Variants in ZFPM2 observed in about 807,000 individuals in gnomAD.
ZFPM2 encodes zinc finger protein, FOG family member 2.
ZFPM2 carries 20 observed loss-of-function variants against 98.6 expected under a neutral mutation model. The ratio of observed to expected loss-of-function variants is 0.20; its 90% CI spans 0.14 to 0.29. The LOEUF (loss-of-function observed/expected upper bound fraction) is 0.29. Ranked by LOEUF, ZFPM2 falls within the 10% of genes least tolerant of loss-of-function variation. ZFPM2 has a pLI of 1.00. For synonymous variants in ZFPM2, 518 were observed against 502.7 expected (o/e 1.03, Z -0.41); for missense variants, 1,310 against 1,388.6 (o/e 0.94, Z 0.90).
Position 105,611,447 on chromosome 8 carries a change from G to A in ZFPM2, c.421-22799G>A, listed in dbSNP as rs1283346492. On this transcript the variant is annotated intron_variant, in intron 4 of 7. Coordinates refer to ENST00000407775, the MANE Select transcript of ZFPM2 (RefSeq NM_012082.4). Reference sequence around the variant, plus strand: ...TGTTTGTTGGCTTTATGGTGAAAAAGAGAAAAATGGTCATTTTGGCACATG... The same window carrying A: ...TGTTTGTTGGCTTTATGGTGAAAAAAAGAAAAATGGTCATTTTGGCACATG... 3.3e-5 allele frequency among the ~76,000 whole-genome samples: 5 copies of A among 152,196 alleles called. No homozygotes were observed. In the South Asian group the frequency reaches 1.0e-3, roughly 32 times the overall value.
rs1421330590 is a variant in ZFPM2, at chr8:105,788,739, C to T, written c.554C>T (p.Thr185Ile). 1.2e-6 allele frequency: 2 copies of T among 1,613,978 alleles called. No individual in the cohort carries two copies. Among genetic ancestry groups the T allele is most frequent in the Admixed American group, 1.7e-5 (1 of 60,022 alleles). Residue 185 changes from threonine (T) to isoleucine (I), a missense_variant, in exon 6 of 8, where the codon ACT becomes ATT. By Grantham distance (89) the Thr-to-Ile change is moderately conservative. Transcript: ENST00000407775. Reference sequence around the variant, plus strand: ...ATAGGGGGTCAGCTTTGGTGTACAACTACGAAGGCCATCTCTGAGGGTGAA... The same window carrying T: ...ATAGGGGGTCAGCTTTGGTGTACAATTACGAAGGCCATCTCTGAGGGTGAA... ...YSKGGQLWCT[T>I]TKAISEGEEL...
At chr8:105,466,864 GATATTATA>G (rs1812805208) in intron 3 of ZFPM2, among the ~76,000 whole-genome samples, 1 of 151,742 alleles carries the variant, frequency 6.6e-6, no homozygotes. Flanking sequence ...CAAAAATTCT[GATATTATA>G]ATAGGGTGGA....
intron 5 of ZFPM2, among the ~76,000 whole-genome samples, chr8:105,730,555 T>C (rs1314922159): frequency 1.3e-5 from 2 of 151,668 alleles, no homozygotes; most frequent in Non-Finnish European, 2.9e-5. Context: ...AATAAAGTCT[T>C]CCCTAACCCC....
At chr8:105,365,289 T>G (rs981971255) in intron 1 of ZFPM2, among the ~76,000 whole-genome samples, 32 of 152,302 alleles carry the variant, frequency 2.1e-4, no homozygotes, top group African/African-American at 7.7e-4. Context: ...AAATCTCATT[T>G]GAATTTTGGA....
chr8:105,723,429 T>C (rs1811719040), intron 5 of ZFPM2, among the ~76,000 whole-genome samples: 1 of 151,906 alleles, frequency 6.6e-6, no homozygotes, highest in African/African-American at 2.4e-5. Context: ...TCAAAGTTCC[T>C]TATGACCCCT....
At chr8:105,436,789 T>C (rs1041130780) in intron 2 of ZFPM2, among the ~76,000 whole-genome samples, 7 of 152,178 alleles carry the variant, frequency 4.6e-5, no homozygotes, top group African/African-American at 1.2e-4. Context: ...TATTAATACA[T>C]GGCAGATCTG....
At chr8:105,695,421 T>C (rs2130947083) in intron 5 of ZFPM2, among the ~76,000 whole-genome samples, 1 of 150,392 alleles carries the variant, frequency 6.6e-6, no homozygotes, top group Non-Finnish European at 1.5e-5. Flanking sequence ...CCCGAAATTG[T>C]TTTGTAAACT....
chr8:105,409,061 C>A (rs183214902), intron 1 of ZFPM2, among the ~76,000 whole-genome samples: 3 of 151,930 alleles, frequency 2.0e-5, no homozygotes, highest in Non-Finnish European at 4.4e-5. Context: ...CTGGCCAGGA[C>A]CTGTCCCCTC....
chr8:105,596,304 A>C (rs980608684), intron 4 of ZFPM2, among the ~76,000 whole-genome samples: 30 of 152,158 alleles, frequency 2.0e-4, no homozygotes, highest in African/African-American at 7.2e-4. Context: ...GAGGAAGAGT[A>C]AAAGAGTTTT....
intron 3 of ZFPM2, among the ~76,000 whole-genome samples, chr8:105,546,145 C>T (rs1354263958): frequency 6.6e-6 from 1 of 152,142 alleles, no homozygotes; most frequent in Non-Finnish European, 1.5e-5. Flanking sequence ...CCTTTTTCTT[C>T]ACCTGGAATG....
At chr8:105,379,110 T>G (rs1435421176) in intron 1 of ZFPM2, among the ~76,000 whole-genome samples, 4 of 152,200 alleles carry the variant, frequency 2.6e-5, no homozygotes, top group Non-Finnish European at 5.9e-5. Context: ...AAAATTGAAT[T>G]TAAATGTTAA....
chr8:105,651,825 TTGAG>T (rs1379718694), intron 5 of ZFPM2, among the ~76,000 whole-genome samples: 1 of 152,216 alleles, frequency 6.6e-6, no homozygotes, highest in Non-Finnish European at 1.5e-5. Flanking sequence ...TGTTACCTGA[TTGAG>T]TTTCAGAAAT....
At chr8:105,560,232 A>T (rs1815102964) in intron 3 of ZFPM2, among the ~76,000 whole-genome samples, 2 of 150,894 alleles carry the variant, frequency 1.3e-5, no homozygotes, top group Non-Finnish European at 2.9e-5. Flanking sequence ...TATTTTCCTC[A>T]GCTTTCTATT....
chr8:105,470,277 A>T (rs1303384454), intron 3 of ZFPM2, among the ~76,000 whole-genome samples: 7 of 152,176 alleles, frequency 4.6e-5, no homozygotes, highest in Non-Finnish European at 1.0e-4. Context: ...AACTTATTTC[A>T]CATCTTGACT....
intron 1 of ZFPM2, among the ~76,000 whole-genome samples, chr8:105,389,623 C>T (rs1268651424): frequency 6.6e-6 from 1 of 152,122 alleles, no homozygotes; most frequent in African/African-American, 2.4e-5. Flanking sequence ...TAATTTTACC[C>T]AGCTGGTATA....
At chr8:105,539,942 A>G (rs1244863210) in intron 3 of ZFPM2, among the ~76,000 whole-genome samples, 1 of 152,186 alleles carries the variant, frequency 6.6e-6, no homozygotes, top group African/African-American at 2.4e-5. Context: ...AGCAGAATAT[A>G]TGCAGAGGTT....
intron 5 of ZFPM2, chr8:105,676,064 A>C (rs183944595): frequency 6.6e-6 from 1 of 152,272 alleles, no homozygotes; most frequent in East Asian, 1.9e-4. Context: ...GCCAGATGCC[A>C]TTGCATCTTT....
chr8:105,454,434 G>A (rs1391554691), intron 3 of ZFPM2, among the ~76,000 whole-genome samples: 1 of 152,172 alleles, frequency 6.6e-6, no homozygotes, highest in African/African-American at 2.4e-5. Flanking sequence ...AAGACTGGGT[G>A]CCCCACTGGA....
chr8:105,802,776 A>C lies in ZFPM2; in HGVS notation c.2694A>C (p.Pro898=), dbSNP rs1411092095. ...GQLDGKVFPN[P]ESERNSPDVS... is the part of the protein sequence containing the mutation. ...TGGACGGCAAAGTGTTTCCGAATCC[A>C]GAAAGCGAACGAAACAGCCCTGATG... The change falls in exon 8 of 8, where the codon CCA becomes CCC. Residue 898 remains proline, a synonymous_variant. Transcript: ENST00000407775. The C allele has an allele frequency of 1.2e-6, 2 of 1,613,748 alleles. No individual in the cohort carries two copies. Among genetic ancestry groups the C allele is most frequent in the Non-Finnish European group, 1.7e-6 (2 of 1,179,830 alleles).
Sources: allele counts gnomAD v4.1 joint callset (sites outside exome capture counted in the v4.1 genomes callset), GRCh38; gene constraint gnomAD v4.1.1; transcripts MANE v1.5; gene names NCBI Gene and HGNC (gene_info 2026-07-23, HGNC 2026-07-21).